The following WDR41 variants were observed in gnomAD, a reference collection of about 807,000 sequenced individuals.
WDR41 encodes the protein WD repeat domain 41.
A neutral mutation model predicts 69.3 loss-of-function variants in WDR41; 63 were observed. That is an observed-to-expected ratio of 0.91 (90% CI 0.74 to 1.12). The LOEUF is 1.12. Among genes scored for constraint, WDR41 ranks in the 50% most tolerant of loss-of-function variants. The probability of loss-of-function intolerance (pLI) is 0.00; values close to 1 mark genes in which losing one functional copy is unlikely to be tolerated. For synonymous variants in WDR41, 185 were observed against 192.1 expected (o/e 0.96, Z 0.31); for missense variants, 543 against 534.5 (o/e 1.02, Z -0.16).
chr5:77,506,169 A>G (rs1270136307), intron 1 of WDR41, among the ~76,000 whole-genome samples: 1 of 152,220 alleles, frequency 6.6e-6, no homozygotes, highest in Non-Finnish European at 1.5e-5. Context: ...AGAATCTACA[A>G]AGAATGCAAA....
chr5:77,604,837 T>G (rs1250107327), intron 1 of WDR41, among the ~76,000 whole-genome samples: 1 of 152,060 alleles, frequency 6.6e-6, no homozygotes, highest in Non-Finnish European at 1.5e-5. Context: ...TGTACTGAGG[T>G]AGAAATCTCT....
intron 1 of WDR41, among the ~76,000 whole-genome samples, chr5:77,562,719 A>G (rs1464618782): frequency 1.3e-5 from 2 of 152,240 alleles, no homozygotes; most frequent in Non-Finnish European, 2.9e-5. Flanking sequence ...GGTATTCCAT[A>G]CATGCAGCAA....
intron 1 of WDR41, among the ~76,000 whole-genome samples, chr5:77,540,206 C>T (rs1219622539): frequency 6.6e-6 from 1 of 152,172 alleles, no homozygotes; most frequent in Non-Finnish European, 1.5e-5. Context: ...GGCAGGACCC[C>T]GTGGGATGAG....
chr5:77,474,056 C>T (rs1188225695), intron 2 of WDR41, among the ~76,000 whole-genome samples: 3 of 152,158 alleles, frequency 2.0e-5, no homozygotes, highest in Non-Finnish European at 2.9e-5. Context: ...CAATGATAGA[C>T]TGGATTAAGA....
chr5:77,468,948 T>G (rs1800428847), intron 2 of WDR41, among the ~76,000 whole-genome samples: 1 of 152,196 alleles, frequency 6.6e-6, no homozygotes, highest in African/African-American at 2.4e-5. Context: ...ATCTTTTTCT[T>G]CCTTGCAATC....
At position 77,489,661 on chromosome 5, in the gene WDR41, T is replaced by C. The variant is rs1801681752; in HGVS notation, c.52-89A>G. ...AAGACCATATTGGAATATAACTCCA[T>C]GGTATACATCTGAGAACACAAGATT... On this transcript the variant is annotated intron_variant, in intron 1 of 12. Coordinates refer to ENST00000296679, the MANE Select transcript of WDR41 (RefSeq NM_018268.4). 6.5e-6 allele frequency: 5 copies of C among 765,588 alleles called. No individual in the cohort carries two copies. In the East Asian group the frequency reaches 7.6e-5, roughly 12 times the overall value. 47.4% of individuals were successfully genotyped at this position (765,588 alleles called of 1,614,324 possible).
chr5:77,466,668 T>C (rs1161429804), intron 2 of WDR41, among the ~76,000 whole-genome samples: 1 of 151,880 alleles, frequency 6.6e-6, no homozygotes, highest in Non-Finnish European at 1.5e-5. Context: ...ATTCAATCAG[T>C]AGGGAACAAA....
chr5:77,449,157 T>C (rs1799521201), intron 8 of WDR41, among the ~76,000 whole-genome samples: 1 of 152,206 alleles, frequency 6.6e-6, no homozygotes, highest in Non-Finnish European at 1.5e-5. Context: ...TGCCATCTGA[T>C]GTCAGATTTA....
rs1017992662 is a variant in WDR41, at chr5:77,543,460, C to T, written c.43-53888G>A. Among the ~76,000 whole-genome samples the T allele has an allele frequency of 4.6e-5, 7 of 152,076 alleles. No individual in the cohort carries two copies. In the East Asian group the frequency reaches 1.3e-3, roughly 29 times the overall value. On this transcript the variant is annotated intron_variant, in intron 1 of 5. Coordinates refer to the WDR41 transcript ENST00000509971. ...GAAATAGATAGCATAAATAAAAAAA[C>T]AATCAAAACTTCAGGAAACAATGGA...
At position 77,492,309 on chromosome 5, in the gene WDR41, G is replaced by C; in HGVS notation, c.-89C>G. 6.5e-7 allele frequency: 1 copy of C among 1,548,104 alleles called. No homozygotes were observed. Among genetic ancestry groups the C allele is most frequent in the East Asian group, 2.3e-5 (1 of 43,462 alleles). On this transcript the variant is annotated 5_prime_UTR_variant, in exon 1 of 13. Transcript: ENST00000296679. ...GCCTCCTCCTTCCTCCCCGGCTGCA[G>C]CGCAACTGAGACGCTAATACTTCCC...
chr5:77,510,096 C>T (rs529845755), intron 1 of WDR41, among the ~76,000 whole-genome samples: 23 of 152,238 alleles, frequency 1.5e-4, no homozygotes, highest in African/African-American at 5.3e-4. Context: ...TAAAGACATA[C>T]CCAAGACTGG....
chr5:77,483,330 G>A (rs1003063667), intron 2 of WDR41, among the ~76,000 whole-genome samples: 1 of 151,688 alleles, frequency 6.6e-6, no homozygotes, highest in Non-Finnish European at 1.5e-5. Flanking sequence ...ATAGAGACAT[G>A]GTTTTGCCAT....
At chr5:77,532,148 A>G (rs1300461144) in intron 1 of WDR41, among the ~76,000 whole-genome samples, 1 of 152,092 alleles carries the variant, frequency 6.6e-6, no homozygotes, top group Non-Finnish European at 1.5e-5. Context: ...TAAAAATGGA[A>G]CAAGGGAGAG....
intron 1 of WDR41, among the ~76,000 whole-genome samples, chr5:77,526,615 T>C (rs1454956887): frequency 2.0e-5 from 3 of 152,110 alleles, no homozygotes; most frequent in African/African-American, 4.8e-5. Context: ...AGCCATAATA[T>C]ATTTTTAACA....
At chr5:77,578,555 A>T (rs1743876488) in intron 1 of WDR41, among the ~76,000 whole-genome samples, 1 of 152,212 alleles carries the variant, frequency 6.6e-6, no homozygotes, top group Non-Finnish European at 1.5e-5. Flanking sequence ...CAAAGTAGCC[A>T]TTATACACAT....
intron 1 of WDR41, among the ~76,000 whole-genome samples, chr5:77,558,111 AAAAAAC>A (rs1335490158): frequency 4.7e-5 from 7 of 149,458 alleles, no homozygotes; most frequent in South Asian, 4.2e-4. Flanking sequence ...AAAAAAAAAA[AAAAAAC>A]AAAACAGGAG....
At chr5:77,615,839 A>G (rs555058521) in intron 1 of WDR41, among the ~76,000 whole-genome samples, 1 of 152,106 alleles carries the variant, frequency 6.6e-6, no homozygotes, top group African/African-American at 2.4e-5. Flanking sequence ...TTAAAATTCC[A>G]AAAATTAGCC....
At chr5:77,562,650 G>C (rs1164844189) in intron 1 of WDR41, among the ~76,000 whole-genome samples, 1 of 152,102 alleles carries the variant, frequency 6.6e-6, no homozygotes, top group African/African-American at 2.4e-5. Flanking sequence ...GGAATTTAGA[G>C]ACAAAATATA....
At chr5:77,510,399 T>A (rs970027456) in intron 1 of WDR41, among the ~76,000 whole-genome samples, 5 of 152,108 alleles carry the variant, frequency 3.3e-5, no homozygotes, top group Non-Finnish European at 5.9e-5. Context: ...GAGATTTGGG[T>A]GGGGACACAG....
Sources: allele counts gnomAD v4.1 joint callset (sites outside exome capture counted in the v4.1 genomes callset), GRCh38; gene constraint gnomAD v4.1.1; transcripts MANE v1.5; gene names NCBI Gene and HGNC (gene_info 2026-07-23, HGNC 2026-07-21).